Variants in SENP6 observed in about 807,000 individuals in gnomAD.
SENP6 encodes sentrin-specific protease 6.
Under a neutral mutation model 134.5 loss-of-function variants are expected in SENP6, and 41 were observed. That is an observed-to-expected ratio of 0.30 (90% CI 0.24 to 0.40). The LOEUF (loss-of-function observed/expected upper bound fraction) is 0.40. Ranked by LOEUF, SENP6 falls within the 10% of genes least tolerant of loss-of-function variation. The pLI is 1.00. For missense variants in SENP6, 1,248 were observed against 1,312.5 expected, an observed-to-expected ratio of 0.95 and a Z score of 0.76; for synonymous variants, 395 against 429.8, an observed-to-expected ratio of 0.92 and a Z score of 1.00.
chr6:75,621,355 A>G (rs979896918), intron 1 of SENP6, among the ~76,000 whole-genome samples, 177 bp from the exon 2 acceptor site: 12 of 152,360 alleles, frequency 7.9e-5, no homozygotes, highest in Non-Finnish European at 1.3e-4. Flanking sequence ...TAGTAAAAAC[A>G]GATTTTAATG....
rs558822582 is a variant in SENP6 at position 75,699,598 on chromosome 6, C to T, written c.2288+2081C>T. On this transcript the variant is annotated intron_variant, in intron 18 of 23. Coordinates refer to ENST00000447266, the MANE Select transcript of SENP6 (RefSeq NM_015571.4). Reference sequence around the variant, plus strand: ...AACCTCCCAGGCTTAAGTGATCCTCCGACCTCAGCCTCCTGAGTAGCTGGG... The same window carrying T: ...AACCTCCCAGGCTTAAGTGATCCTCTGACCTCAGCCTCCTGAGTAGCTGGG... Among the ~76,000 whole-genome samples, 12 of 152,150 alleles carry T rather than the reference C, an allele frequency of 7.9e-5. No individual in the cohort carries two copies. In the South Asian group the frequency reaches 1.7e-3, roughly 21 times the overall value.
chr6:75,666,765 A>G lies in SENP6; in HGVS notation c.1048A>G (p.Ser350Gly), dbSNP rs769819135. Residue 350 changes from serine (S) to glycine (G), a missense_variant, in exon 10 of 24, where the codon AGC becomes GGC. By Grantham distance (56) the Ser-to-Gly change is moderately conservative. Around this residue, in one of 3 missense-constraint regions of SENP6, gnomAD observed 733 missense variants for 725.4 expected, o/e 1.01. Coordinates refer to ENST00000447266, the MANE Select transcript of SENP6 (RefSeq NM_015571.4). ...CAACGACAGAACTAACAGAAGAGAA[A>G]GCATATCTCCTCAGCCTGCTGATTC... Reference protein sequence around the residue: ...DDNDRTNRRESISPQPADSAC... With the variant: ...DDNDRTNRREGISPQPADSAC... 5 of 1,609,800 alleles carry G rather than the reference A, an allele frequency of 3.1e-6. No homozygotes were observed. The highest frequency in any genetic ancestry group is 1.7e-5 in the Admixed American group (1 of 59,966).
At chr6:75,674,817 T>C (rs1456914923) in intron 11 of SENP6, among the ~76,000 whole-genome samples, 1 of 152,236 alleles carries the variant, frequency 6.6e-6, no homozygotes, top group Non-Finnish European at 1.5e-5. Flanking sequence ...GAAAGACTTT[T>C]GCAGTGAACA....
At chr6:75,636,320 T>A (rs1769510907) in intron 5 of SENP6, among the ~76,000 whole-genome samples, 1 of 152,214 alleles carries the variant, frequency 6.6e-6, no homozygotes. Flanking sequence ...CAGATTCTAC[T>A]TACATTTGTC....
chr6:75,602,211 T>G lies in SENP6; in HGVS notation c.-314T>G. ...TCAGGCAGCCTGGGTGGGCGGTGGA[T>G]GGGGAGTCGTGGGCCGAGAGGAACC... On this transcript the variant is annotated 5_prime_UTR_variant, in exon 1 of 24. The change abolishes an upstream ATG in the 5' untranslated region. Coordinates refer to ENST00000447266, the MANE Select transcript of SENP6 (RefSeq NM_015571.4). 1 of 288,598 alleles carries G rather than the reference T, an allele frequency of 3.5e-6. No homozygotes were observed. Among genetic ancestry groups the G allele is most frequent in the Non-Finnish European group, 6.4e-6 (1 of 156,550 alleles). The allele number at this position is 288,598 out of a possible 1,614,324, so 17.9% of individuals were successfully genotyped here.
chr6:75,713,937 T>C, intron 23 of SENP6, 112 bp downstream of exon 23: 1 of 859,556 alleles, frequency 1.2e-6, no homozygotes, highest in Non-Finnish European at 1.7e-6. Context: ...AAAATTATTG[T>C]TTCAAAAATT....
Position 75,701,362 on chromosome 6 carries a change from G to T in SENP6, c.2289-1283G>T, listed in dbSNP as rs72654744. On this transcript the variant is annotated intron_variant, in intron 18 of 23. Transcript: ENST00000447266. ...TTGGGAACAGTGATACCTGAATTCA[G>T]CTGTATCATAAGCACCTACTTGATA... Among the ~76,000 whole-genome samples the T allele has an allele frequency of 0.011, 1,609 of 152,196 alleles. 60 individuals are homozygous for T. In the East Asian group the frequency reaches 0.14, roughly 13 times the overall value.
chr6:75,679,694 T>C (rs1773331948), intron 16 of SENP6: 1 of 152,216 alleles, frequency 6.6e-6, no homozygotes, highest in Non-Finnish European at 1.5e-5. Flanking sequence ...TATACACCTA[T>C]GTGCAATGTG....
At chr6:75,667,270 G>A (rs1442241323) in intron 10 of SENP6, among the ~76,000 whole-genome samples, 3 of 152,096 alleles carry the variant, frequency 2.0e-5, no homozygotes, top group Non-Finnish European at 4.4e-5. Context: ...GTAATACTAT[G>A]TTTCATTATG....
rs754870821 is a variant in SENP6, at chr6:75,621,656, A to G, written c.146+31A>G. ...GATTTTTTTTTCCCTCAGATGTTTTATAAGAATAAAACTTCTCATTAGAAA... is the reference window on the plus strand; with the variant it reads ...GATTTTTTTTTCCCTCAGATGTTTTGTAAGAATAAAACTTCTCATTAGAAA... On this transcript the variant is annotated intron_variant, in intron 2 of 23. Transcript: ENST00000447266. 3 of 1,336,912 alleles carry G rather than the reference A, an allele frequency of 2.2e-6. No homozygotes were observed. The Admixed American group carries it at 5.7e-5, about 25-fold the overall frequency. The allele number at this position is 1,336,912 out of a possible 1,614,324, so 82.8% of individuals were successfully genotyped here.
In SENP6 at chr6:75,656,225, A is replaced by G. The variant is rs1389891314; in HGVS notation, c.551-3037A>G. On this transcript the variant is annotated intron_variant, in intron 7 of 23. Transcript: ENST00000447266. The stretch of plus-strand genomic sequence containing the variant: ...CAAGACTCCGTCTCAAAAAAAAAAA[A>G]AAAAAAAGAATACACATTGAGCTAC... Among the ~76,000 whole-genome samples, 8 of 152,182 alleles carry G rather than the reference A, an allele frequency of 5.3e-5. No homozygotes were observed. In the East Asian group the frequency reaches 1.5e-3, roughly 29 times the overall value.
intron 19 of SENP6, among the ~76,000 whole-genome samples, chr6:75,705,238 G>A (rs1043118563): frequency 3.3e-5 from 5 of 152,130 alleles, no homozygotes; most frequent in African/African-American, 9.7e-5. Flanking sequence ...CAGTCCTGTA[G>A]TTGTAGAACC....
rs149923483 is a variant in SENP6, at chr6:75,682,140, A to T, written c.2075+3213A>T. ...TGAGGAAAGAAAATTACCAGGGATC[A>T]AGAAGGATGTTATGTAATGATAAAG... is the stretch of plus-strand genomic sequence containing the variant. On this transcript the variant is annotated intron_variant, in intron 16 of 23. Coordinates refer to ENST00000447266, the MANE Select transcript of SENP6 (RefSeq NM_015571.4). Among the ~76,000 whole-genome samples the T allele has an allele frequency of 8.7e-4, 133 of 152,276 alleles. 4 individuals carry two copies. In the East Asian group the frequency reaches 0.024, roughly 28 times the overall value.
chr6:75,666,833 A>T lies in SENP6; in HGVS notation c.1116A>T (p.Ala372=). 2 of 1,613,780 alleles carry T rather than the reference A, an allele frequency of 1.2e-6. No individual in the cohort carries two copies. Among genetic ancestry groups the T allele is most frequent in the Non-Finnish European group, 1.7e-6 (2 of 1,179,688 alleles). ...CACCATCCACTGGAAAAGTAGAAGC[A>T]GCGCTAAATGAAAATACTTGCAGAG... is the stretch of plus-strand genomic sequence containing the variant. The part of the protein sequence containing the change: ...SPAPSTGKVE[A]ALNENTCRAE... The change falls in exon 10 of 24, where the codon GCA becomes GCT. Residue 372 remains alanine, a synonymous_variant. Coordinates refer to ENST00000447266, the MANE Select transcript of SENP6 (RefSeq NM_015571.4).
intron 7 of SENP6, among the ~76,000 whole-genome samples, chr6:75,653,483 T>G (rs1435678637): frequency 6.6e-6 from 1 of 152,238 alleles, no homozygotes; most frequent in Non-Finnish European, 1.5e-5. Context: ...AGATTTATTT[T>G]TATTTATTTA....
At chr6:75,631,096 T>C (rs934242131) in intron 3 of SENP6, among the ~76,000 whole-genome samples, 3 of 152,130 alleles carry the variant, frequency 2.0e-5, no homozygotes, top group African/African-American at 7.2e-5. Context: ...TCTTTCAAAG[T>C]TGTATTTTCG....
chr6:75,646,145 A>C (rs144380352), intron 6 of SENP6, among the ~76,000 whole-genome samples: 2 of 152,314 alleles, frequency 1.3e-5, no homozygotes, highest in East Asian at 3.8e-4. Flanking sequence ...TTTAGTGTGA[A>C]AGTGTATGGA....
intron 3 of SENP6, among the ~76,000 whole-genome samples, chr6:75,627,756 A>T (rs754343928): frequency 6.6e-6 from 1 of 151,990 alleles, no homozygotes; most frequent in African/African-American, 2.4e-5. Context: ...GCTCACTGCA[A>T]CCTCCACCTC....
At chr6:75,665,131 A>G (rs1036364082) in intron 9 of SENP6, among the ~76,000 whole-genome samples, 2 of 151,960 alleles carry the variant, frequency 1.3e-5, no homozygotes, top group Non-Finnish European at 2.9e-5. Flanking sequence ...CTAAAAATAT[A>G]AAAAATTAGC....
Sources: gnomAD v4.1 joint callset for allele counts (sites outside exome capture counted in the v4.1 genomes callset) on GRCh38, gnomAD v4.1.1 for gene constraint, gnomAD v4.1.1 regional missense constraint, MANE v1.5 for transcripts, NCBI Gene and HGNC (gene_info 2026-07-23, HGNC 2026-07-21) for gene names.